The following CORO1C variants were observed in gnomAD, a reference collection of about 807,000 sequenced individuals.
CORO1C encodes coronin-1C.
In CORO1C, 14 loss-of-function variants were observed where a neutral mutation model predicts 51.2. The ratio of observed to expected loss-of-function variants is 0.27; its 90% CI spans 0.18 to 0.43. The LOEUF is 0.43. Ranked by LOEUF, CORO1C falls within the 20% of genes least tolerant of loss-of-function variation. CORO1C has a pLI of 1.00. For missense variants in CORO1C, 417 were observed against 607.8 expected (o/e 0.69, Z 3.30); for synonymous variants, 181 against 210.5 (o/e 0.86, Z 1.21).
At chr12:108,651,065 ACT>A (rs1406334794) in intron 8 of CORO1C, among the ~76,000 whole-genome samples, 1 of 152,116 alleles carries the variant, frequency 6.6e-6, no homozygotes, top group Admixed American at 6.6e-5. Flanking sequence ...GATTCTCCTG[ACT>A]CTGCCTCCCA....
chr12:108,729,422 G>A (rs886958137), intron 1 of CORO1C, among the ~76,000 whole-genome samples: 2 of 152,150 alleles, frequency 1.3e-5, no homozygotes, highest in African/African-American at 2.4e-5. Context: ...AGGCTTTAAT[G>A]TACCTTCCAC....
chr12:108,647,203 A>G lies in CORO1C; in HGVS notation c.*200T>C. 1 of 454,212 alleles carries G rather than the reference A, an allele frequency of 2.2e-6. No individual in the cohort carries two copies. The allele number at this position is 454,212 out of a possible 1,614,324, so 28.1% of individuals were successfully genotyped here. A position where few individuals can be genotyped will look rare whatever the true frequency, so the allele number is the denominator to read the frequency against. ...TTCTGATAAAAAGCTCAGCTTTTAA[A>G]TCACGTTTTGTTTCTGCAAATTTGG... is the stretch of plus-strand genomic sequence containing the variant. On this transcript the variant is annotated 3_prime_UTR_variant, in exon 11 of 11. Coordinates refer to ENST00000261401, the MANE Select transcript of CORO1C (RefSeq NM_014325.4).
chr12:108,706,628 T>C lies in CORO1C; in HGVS notation c.-5-5305A>G, dbSNP rs145548307. 4.4e-3 allele frequency among the ~76,000 whole-genome samples: 666 copies of C among 152,258 alleles called. 10 individuals carry two copies. The highest frequency in any genetic ancestry group is 0.015 in the African/African-American group (610 of 41,538). ...TTTTTTTTTTAAGATGGAGTCTTGC[T>C]CTGTCACCCAGGGTGGAGCGCAGTG... On this transcript the variant is annotated intron_variant, in intron 1 of 10. Coordinates refer to ENST00000261401, the MANE Select transcript of CORO1C (RefSeq NM_014325.4).
At chr12:108,660,348 G>A (rs375805992) in intron 4 of CORO1C, among the ~76,000 whole-genome samples, 60 of 152,072 alleles carry the variant, frequency 3.9e-4, no homozygotes, top group African/African-American at 1.4e-3. Flanking sequence ...CTACTTGGGA[G>A]GCTGAGGCAG....
At chr12:108,662,276 T>C (rs530440704) in intron 3 of CORO1C, 118 bp from the exon 4 acceptor site, 3 of 833,368 alleles carry the variant, frequency 3.6e-6, no homozygotes, top group South Asian at 1.6e-5. Flanking sequence ...GAGTGATATC[T>C]GGATGAAAGG....
In CORO1C at chr12:108,678,266, G is replaced by A. The variant is rs1222352281; in HGVS notation, c.318+6C>T. ...CCTGTGTGCACACAACACCCTGGGA[G>A]CTTACCATGACCGTGCAGTCCTCTG... On this transcript the variant is annotated splice_donor_region_variant and intron_variant, in intron 3 of 10. Coordinates refer to ENST00000261401, the MANE Select transcript of CORO1C (RefSeq NM_014325.4). The A allele has an allele frequency of 5.6e-6, 9 of 1,607,646 alleles. No homozygotes were observed. Among genetic ancestry groups the A allele is most frequent in the Non-Finnish European group, 7.6e-6 (9 of 1,176,790 alleles).
At chr12:108,694,576 A>T (rs1481020503) in intron 2 of CORO1C, among the ~76,000 whole-genome samples, 1 of 152,190 alleles carries the variant, frequency 6.6e-6, no homozygotes. Flanking sequence ...AACATTGCAC[A>T]TTATTTCCTA....
At chr12:108,684,913 A>G (rs1320311236) in intron 2 of CORO1C, among the ~76,000 whole-genome samples, 1 of 152,060 alleles carries the variant, frequency 6.6e-6, no homozygotes, top group Non-Finnish European at 1.5e-5. Context: ...TTTCTACCTG[A>G]ATTGTTTTGT....
chr12:108,725,768 G>C (rs1030663631), intron 1 of CORO1C, among the ~76,000 whole-genome samples: 2 of 152,178 alleles, frequency 1.3e-5, no homozygotes, highest in Non-Finnish European at 2.9e-5. Context: ...TGGCCAACTG[G>C]TTTCTCCTAA....
intron 1 of CORO1C, among the ~76,000 whole-genome samples, chr12:108,711,102 GTTGT>G (rs2035166194): frequency 6.6e-6 from 1 of 152,014 alleles, no homozygotes; most frequent in African/African-American, 2.4e-5. Context: ...GTGGTTCATA[GTTGT>G]ACTCCCAGCA....
At chr12:108,722,114 G>A (rs2035487730) in intron 1 of CORO1C, among the ~76,000 whole-genome samples, 1 of 152,094 alleles carries the variant, frequency 6.6e-6, no homozygotes, top group South Asian at 2.1e-4. Flanking sequence ...TGTAATGACT[G>A]AATGCAAACA....
chr12:108,688,608 T>C (rs2034384670), intron 2 of CORO1C, among the ~76,000 whole-genome samples: 1 of 152,170 alleles, frequency 6.6e-6, no homozygotes, highest in African/African-American at 2.4e-5. Context: ...CAATTGGTGT[T>C]AAAATGGATC....
chr12:108,710,622 T>C lies in CORO1C; in HGVS notation c.-5-9299A>G, dbSNP rs143396538. ...GCTCTGTCACCAGGCTGGAGTGCAG[T>C]GGCACAATCTCGGCTCACTGCAACC... On this transcript the variant is annotated intron_variant, in intron 1 of 10. Coordinates refer to ENST00000261401, the MANE Select transcript of CORO1C (RefSeq NM_014325.4). Among the ~76,000 whole-genome samples the C allele has an allele frequency of 5.8e-3, 887 of 151,972 alleles. 10 individuals are homozygous for C. Among genetic ancestry groups the C allele is most frequent in the African/African-American group, 0.02 (841 of 41,426 alleles).
chr12:108,685,347 G>A (rs1406936768), intron 2 of CORO1C, among the ~76,000 whole-genome samples: 2 of 152,078 alleles, frequency 1.3e-5, no homozygotes, highest in African/African-American at 2.4e-5. Flanking sequence ...AAGAGCAACT[G>A]CCAGCTATTT....
chr12:108,655,434 G>A (rs939622762), intron 6 of CORO1C, among the ~76,000 whole-genome samples: 11 of 129,412 alleles, frequency 8.5e-5, no homozygotes, highest in Admixed American at 1.8e-4. Context: ...CTCTGATGCC[G>A]AGCCGAAGCT....
intron 3 of CORO1C, among the ~76,000 whole-genome samples, chr12:108,677,220 T>C (rs139403513): frequency 3.7e-4 from 56 of 152,354 alleles, no homozygotes; most frequent in African/African-American, 1.2e-3. Context: ...CTCCCATTTG[T>C]GTTTATGCCT....
intron 3 of CORO1C, among the ~76,000 whole-genome samples, chr12:108,663,834 T>C (rs1480531687): frequency 6.6e-6 from 1 of 152,256 alleles, no homozygotes; most frequent in Non-Finnish European, 1.5e-5. Context: ...ATGTGAATTA[T>C]ATCTCAATAA....
intron 1 of CORO1C, among the ~76,000 whole-genome samples, chr12:108,705,134 CCTCT>C (rs2034989213): frequency 6.6e-6 from 1 of 152,140 alleles, no homozygotes; most frequent in Non-Finnish European, 1.5e-5. Context: ...AATTACTTAA[CCTCT>C]CTGAGCCTCA....
chr12:108,652,222 T>C (rs1450227037), intron 8 of CORO1C, 50 bp downstream of exon 8: 4 of 1,562,928 alleles, frequency 2.6e-6, no homozygotes, highest in Admixed American at 1.7e-5. Flanking sequence ...TACAAATAAT[T>C]GTCACACAGT....
Sources: allele counts gnomAD v4.1 joint callset (sites outside exome capture counted in the v4.1 genomes callset), GRCh38; gene constraint gnomAD v4.1.1; transcripts MANE v1.5; gene names NCBI Gene and HGNC (gene_info 2026-07-23, HGNC 2026-07-21).